Variants in ROBO2 observed in about 807,000 individuals in gnomAD.
ROBO2 encodes roundabout guidance receptor 2, also known as roundabout homolog 2.
Under a neutral mutation model 160.8 loss-of-function variants are expected in ROBO2, and 53 were observed. That is an observed-to-expected ratio of 0.33 (90% CI 0.26 to 0.41). ROBO2 has a LOEUF of 0.41. Among genes scored for constraint, ROBO2 ranks in the 10% least tolerant of loss-of-function variants. The probability of loss-of-function intolerance (pLI) is 1.00; values close to 1 mark genes in which losing one functional copy is unlikely to be tolerated. For synonymous variants in ROBO2, 664 were observed against 611.7 expected (o/e 1.09, Z -1.26); for missense variants, 1,577 against 1,722.4 (o/e 0.92, Z 1.49).
chr3:76,567,320 A>C (rs1339252693), intron 2 of ROBO2, among the ~76,000 whole-genome samples: 1 of 152,102 alleles, frequency 6.6e-6, no homozygotes, highest in African/African-American at 2.4e-5. Flanking sequence ...GATTTTTGAC[A>C]TCATATTCAT....
chr3:76,095,248 C>G (rs1436437378), intron 2 of ROBO2, among the ~76,000 whole-genome samples: 1 of 151,616 alleles, frequency 6.6e-6, no homozygotes, highest in African/African-American at 2.4e-5. Flanking sequence ...TAGTGAAAGA[C>G]TTAATAGAAA....
intron 2 of ROBO2, among the ~76,000 whole-genome samples, chr3:76,947,229 A>T (rs563183156): frequency 3.9e-4 from 59 of 152,124 alleles, no homozygotes; most frequent in Non-Finnish European, 7.4e-4. Flanking sequence ...ATATTATAAT[A>T]TATTTAACCC....
At chr3:76,268,449 A>G (rs1707229074) in intron 2 of ROBO2, among the ~76,000 whole-genome samples, 1 of 152,206 alleles carries the variant, frequency 6.6e-6, no homozygotes, top group Non-Finnish European at 1.5e-5. Flanking sequence ...TTCAGTGTCA[A>G]TATGCCAGTC....
At chr3:77,322,449 A>C (rs1008933046) in intron 2 of ROBO2, among the ~76,000 whole-genome samples, 2 of 152,068 alleles carry the variant, frequency 1.3e-5, no homozygotes, top group East Asian at 1.9e-4. Flanking sequence ...TGTCAGTCCT[A>C]ATTGGGAGTG....
intron 2 of ROBO2, among the ~76,000 whole-genome samples, chr3:76,576,905 A>C (rs2085344937): frequency 6.6e-6 from 1 of 151,970 alleles, no homozygotes; most frequent in Non-Finnish European, 1.5e-5. Flanking sequence ...TGGCACTTTC[A>C]CATTTCCAGG....
At chr3:76,749,404 AT>A (rs1186854513) in intron 2 of ROBO2, among the ~76,000 whole-genome samples, 1 of 151,984 alleles carries the variant, frequency 6.6e-6, no homozygotes, top group East Asian at 1.9e-4. Flanking sequence ...ACATGAAATT[AT>A]TTTTTATTGG....
intron 2 of ROBO2, among the ~76,000 whole-genome samples, chr3:76,985,274 A>G (rs1338500261): frequency 6.6e-6 from 1 of 152,144 alleles, no homozygotes; most frequent in Non-Finnish European, 1.5e-5. Context: ...AATATTGGCT[A>G]TGAAATTTAT....
At chr3:77,341,082 T>C (rs1028828894) in intron 2 of ROBO2, among the ~76,000 whole-genome samples, 1 of 152,168 alleles carries the variant, frequency 6.6e-6, no homozygotes, top group Non-Finnish European at 1.5e-5. Context: ...TTCAAAAGTA[T>C]TGTTGGAACG....
chr3:76,640,655 A>C (rs1256593482), intron 2 of ROBO2, among the ~76,000 whole-genome samples: 3 of 151,572 alleles, frequency 2.0e-5, no homozygotes, highest in Admixed American at 6.6e-5. Context: ...GGCTGAGAGA[A>C]CACAAAAGCA....
intron 2 of ROBO2, among the ~76,000 whole-genome samples, chr3:76,964,452 C>T (rs2079917299): frequency 6.6e-6 from 1 of 152,136 alleles, no homozygotes; most frequent in African/African-American, 2.4e-5. Flanking sequence ...AAGTGATTCT[C>T]CTGCCTCAGC....
chr3:76,272,840 T>TATATAAATATATAAAATA (rs1707581254), intron 2 of ROBO2, among the ~76,000 whole-genome samples: 1 of 2,978 alleles, frequency 3.4e-4, no homozygotes, highest in African/African-American at 6.5e-4. Context: ...AATATATATA[T>TATATAAATATATAAAATA]TATATATTAT....
rs183416358 is a variant in ROBO2, at chr3:77,205,345, A to C, written c.388+107005A>C. ...TAAAGTTTGGCTGTCCAGCGGCCAA[A>C]CTCCTCTCTGAGCACCCCCAGCAGA... On this transcript the variant is annotated intron_variant, in intron 2 of 25. Transcript: ENST00000461745. 3.5e-3 allele frequency among the ~76,000 whole-genome samples: 520 copies of C among 148,140 alleles called. 2 individuals carry two copies. The highest frequency in any genetic ancestry group is 6.6e-3 in the Non-Finnish European group (437 of 66,574).
chr3:77,488,591 G>GTCTA (rs1339670505), intron 4 of ROBO2, among the ~76,000 whole-genome samples: 1 of 152,156 alleles, frequency 6.6e-6, no homozygotes, highest in African/African-American at 2.4e-5. Flanking sequence ...AATAGATATT[G>GTCTA]AGTGTGATCA....
intron 2 of ROBO2, among the ~76,000 whole-genome samples, chr3:75,988,643 A>G (rs1009537523): frequency 3.3e-5 from 5 of 151,870 alleles, no homozygotes; most frequent in Non-Finnish European, 7.4e-5. Flanking sequence ...TCTCCTTAGC[A>G]CTTATTTTAC....
intron 2 of ROBO2, among the ~76,000 whole-genome samples, chr3:76,946,335 C>G (rs1425281356): frequency 1.3e-5 from 2 of 152,148 alleles, no homozygotes; most frequent in Non-Finnish European, 2.9e-5. Flanking sequence ...TTTTCTCACA[C>G]ACGTACTGAT....
At position 77,602,412 on chromosome 3, in the gene ROBO2, A is replaced by G. The variant is rs544425952; in HGVS notation, c.3057A>G (p.Gln1019=). Residue 1019 remains glutamine, a synonymous_variant, in exon 20 of 26, where the codon CAA becomes CAG. Coordinates refer to ENST00000461745, the Ensembl canonical transcript of ROBO2. ...TGGCTGTCGATCTGCCTGATCCACA[A>G]TGGAAAAGCTCAATTCAGCAAAAAA... 7.1e-5 allele frequency: 114 copies of G among 1,614,030 alleles called. No individual in the cohort carries two copies. The South Asian group carries it at 1.1e-3, about 15-fold the overall frequency.
intron 2 of ROBO2, among the ~76,000 whole-genome samples, chr3:76,468,398 T>A (rs2078471084): frequency 6.6e-6 from 1 of 152,048 alleles, no homozygotes; most frequent in Admixed American, 6.6e-5. Context: ...CTATCAACCT[T>A]AAAGCACACT....
Position 76,632,043 on chromosome 3 carries a change from G to C in ROBO2, c.110-465971G>C, listed in dbSNP as rs573822189. 4.6e-5 allele frequency among the ~76,000 whole-genome samples: 7 copies of C among 152,276 alleles called. No individual in the cohort carries two copies. The South Asian group carries it at 1.5e-3, about 32-fold the overall frequency. The stretch of plus-strand genomic sequence containing the variant: ...CATGTATTAATTCATTCATTTATTT[G>C]ACACATCCTAATAGTGAGTTGATGT... On this transcript the variant is annotated intron_variant, in intron 2 of 26. Coordinates refer to the ROBO2 transcript ENST00000487694.
intron 2 of ROBO2, among the ~76,000 whole-genome samples, chr3:76,748,904 T>C (rs2093935195): frequency 6.6e-6 from 1 of 151,898 alleles, no homozygotes; most frequent in African/African-American, 2.4e-5. Context: ...CATCATGATT[T>C]GTAATATTAA....
Sources: gnomAD v4.1 joint callset for allele counts (sites outside exome capture counted in the v4.1 genomes callset) on GRCh38, gnomAD v4.1.1 for gene constraint, MANE v1.5 for transcripts, NCBI Gene and HGNC (gene_info 2026-07-23, HGNC 2026-07-21) for gene names.